VPS13D: variants seen among roughly 807,000 people sequenced by gnomAD.
The protein encoded by VPS13D is vacuolar protein sorting 13 homolog D.
In VPS13D, 187 loss-of-function variants were observed where a neutral mutation model predicts 461.9. That is an observed-to-expected ratio of 0.40 (90% CI 0.36 to 0.46). The LOEUF is 0.46. VPS13D is among the 20% of genes least tolerant of loss of function. The pLI is 0.60. For synonymous variants in VPS13D, 1,951 were observed against 1,986.3 expected (o/e 0.98, Z 0.47); for missense variants, 4,711 against 5,364.9 (o/e 0.88, Z 3.81).
intron 67 of VPS13D, among the ~76,000 whole-genome samples, chr1:12,467,061 A>AT (rs1208079637): frequency 2.6e-5 from 4 of 152,168 alleles, no homozygotes; most frequent in South Asian, 2.1e-4. Context: ...TCATTTTCTC[A>AT]TTCCTCCCTC....
intron 9 of VPS13D, among the ~76,000 whole-genome samples, chr1:12,257,679 G>A (rs1640963418): frequency 6.6e-6 from 1 of 152,066 alleles, no homozygotes; most frequent in Admixed American, 6.6e-5. Context: ...TAGAGGGGAG[G>A]GATATTATAA....
intron 17 of VPS13D, 47 bp downstream of exon 17, chr1:12,271,171 G>A: frequency 6.2e-7 from 1 of 1,610,768 alleles, no homozygotes; most frequent in Non-Finnish European, 8.5e-7. Flanking sequence ...GGAAGGGGCA[G>A]GAATTCTTTC....
At chr1:12,282,465 G>A (rs962774984) in intron 20 of VPS13D, among the ~76,000 whole-genome samples, 10 of 152,108 alleles carry the variant, frequency 6.6e-5, no homozygotes, top group African/African-American at 1.4e-4. Flanking sequence ...GGCATAATCC[G>A]CAGTACTTAT....
intron 68 of VPS13D, chr1:12,499,445 A>G: frequency 1.0e-6 from 1 of 985,326 alleles, no homozygotes; most frequent in South Asian, 4.7e-5. Context: ...TTCAAGTCGA[A>G]CTATCTCTGG....
At position 12,354,235 on chromosome 1, in the gene VPS13D, C is replaced by T; in HGVS notation, c.9679+14C>T. The T allele has an allele frequency of 1.2e-6, 2 of 1,612,486 alleles. No homozygotes were observed. The highest frequency in any genetic ancestry group is 2.2e-5 in the South Asian group (2 of 91,004). ...ACATTGAGCTGGGTAAGAATGTAGT[C>T]AGATGATCATTTGTCATAATCCTAT... On this transcript the variant is annotated intron_variant, in intron 47 of 69. Coordinates refer to ENST00000620676, the MANE Select transcript of VPS13D (RefSeq NM_015378.4).
rs887530525 is a variant in VPS13D, at chr1:12,299,218, A to G, written c.6050A>G (p.Gln2017Arg). 1 of 1,611,274 alleles carries G rather than the reference A, an allele frequency of 6.2e-7. No homozygotes were observed. Among genetic ancestry groups the G allele is most frequent in the African/African-American group, 1.3e-5 (1 of 74,790 alleles). Residue 2017 changes from glutamine to arginine, a missense_variant, in exon 25 of 70, where the codon CAG (glutamine) becomes CGG (arginine). Gln to Arg is a conservative substitution (Grantham distance 43). Coordinates refer to ENST00000620676, the MANE Select transcript of VPS13D (RefSeq NM_015378.4). The surrounding 1 kb of genome is among the most constrained non-coding windows in gnomAD (Gnocchi z 4.2). ...IEGQTVRDQA[Q>R]RCSRVLLDIE... is the part of the protein sequence containing the mutation. The stretch of plus-strand genomic sequence containing the variant: ...CTCTTTCAGGTGAGAGATCAAGCCC[A>G]GCGCTGTTCACGGGTTCTCCTGGAT...
At chr1:12,284,157 C>T (rs1641894531) in intron 21 of VPS13D, among the ~76,000 whole-genome samples, 1 of 152,166 alleles carries the variant, frequency 6.6e-6, no homozygotes, top group Admixed American at 6.5e-5. Flanking sequence ...TATTTGCTTG[C>T]ATTGAGGGCA....
intron 39 of VPS13D, chr1:12,337,988 G>GAAAA: frequency 1.0e-5 from 3 of 297,038 alleles, no homozygotes; most frequent in Non-Finnish European, 1.9e-5. Flanking sequence ...TCTAATTCAG[G>GAAAA]AAAAAAAAAA....
chr1:12,315,924 C>G (rs1355346550), intron 30 of VPS13D, among the ~76,000 whole-genome samples: 4 of 152,060 alleles, frequency 2.6e-5, no homozygotes, highest in Non-Finnish European at 5.9e-5. Context: ...TCAAGTGATT[C>G]TCCTGTCTCA....
In VPS13D at chr1:12,432,169, G is replaced by A. The variant is rs113953207; in HGVS notation, c.12333+15342G>A. ...AGCACTTTGGGAGGCTGAGGCGGGC[G>A]GATAACCTGAGGTCGGGAGTTCGAG... On this transcript the variant is annotated intron_variant, in intron 65 of 69. Coordinates refer to ENST00000620676, the MANE Select transcript of VPS13D (RefSeq NM_015378.4). Among the ~76,000 whole-genome samples, 662 of 152,142 alleles carry A rather than the reference G, an allele frequency of 4.4e-3. 5 individuals carry two copies. The highest frequency in any genetic ancestry group is 0.015 in the African/African-American group (623 of 41,502).
At chr1:12,351,870 G>T (rs893098581) in intron 46 of VPS13D, among the ~76,000 whole-genome samples, 1 of 152,066 alleles carries the variant, frequency 6.6e-6, no homozygotes, top group Admixed American at 6.5e-5. Flanking sequence ...GGGATTACAG[G>T]TGTGAGCCAC....
At chr1:12,407,878 A>G (rs1270230321) in intron 63 of VPS13D, among the ~76,000 whole-genome samples, 1 of 151,936 alleles carries the variant, frequency 6.6e-6, no homozygotes, top group Non-Finnish European at 1.5e-5. Flanking sequence ...AAGTTGGGGT[A>G]TAAAAGCTTT....
At chr1:12,442,882 C>T (rs1022832044) in intron 65 of VPS13D, among the ~76,000 whole-genome samples, 2 of 152,204 alleles carry the variant, frequency 1.3e-5, no homozygotes, top group Non-Finnish European at 2.9e-5. Flanking sequence ...AGCCACCATG[C>T]CCAGCCTAAG....
intron 42 of VPS13D, among the ~76,000 whole-genome samples, chr1:12,344,158 T>C (rs1643627577): frequency 6.6e-6 from 1 of 152,234 alleles, no homozygotes; most frequent in Non-Finnish European, 1.5e-5. Context: ...CCAGTGGATA[T>C]GAATAGGTTA....
intron 67 of VPS13D, among the ~76,000 whole-genome samples, chr1:12,477,663 GC>G (rs1645651464): frequency 1.3e-5 from 2 of 152,174 alleles, no homozygotes; most frequent in South Asian, 4.1e-4. Flanking sequence ...CAGGTCTAAT[GC>G]TTGGGACCTT....
At chr1:12,403,490 G>T (rs1644607068) in intron 62 of VPS13D, among the ~76,000 whole-genome samples, 1 of 152,178 alleles carries the variant, frequency 6.6e-6, no homozygotes, top group African/African-American at 2.4e-5. Context: ...TAGATAATCT[G>T]GGTCATTGAT....
At chr1:12,385,447 C>T in intron 59 of VPS13D, 74 bp downstream of exon 59, 2 of 1,252,956 alleles carry the variant, frequency 1.6e-6, no homozygotes, top group African/African-American at 3.0e-5. Context: ...GTATTTTAGA[C>T]CTTCTGTTTT....
intron 67 of VPS13D, among the ~76,000 whole-genome samples, chr1:12,471,468 C>T (rs1314318949): frequency 1.3e-5 from 2 of 152,178 alleles, no homozygotes; most frequent in South Asian, 2.1e-4. Context: ...ATCTCCTGCC[C>T]TACCTTTCCC....
At chr1:12,443,865 T>G (rs951420510) in intron 65 of VPS13D, among the ~76,000 whole-genome samples, 4 of 151,956 alleles carry the variant, frequency 2.6e-5, no homozygotes, top group African/African-American at 9.7e-5. Context: ...TTTTTTTTCT[T>G]GAGATGGTCT....
Sources: gnomAD v4.1 joint callset for allele counts (sites outside exome capture counted in the v4.1 genomes callset) on GRCh38, gnomAD v4.1.1 for gene constraint, Gnocchi (gnomAD v3.1) non-coding constraint, MANE v1.5 for transcripts, NCBI Gene and HGNC (gene_info 2026-07-23, HGNC 2026-07-21) for gene names.